The following SLC35D4 variants were observed in gnomAD, a reference collection of about 807,000 sequenced individuals.
SLC35D4 encodes the protein solute carrier family 35 member D4.
chr18:23,418,933 G>A, the SLC35D4 span, among the ~76,000 whole-genome samples: 130 of 151,852 alleles, frequency 8.6e-4, no homozygotes, highest in Non-Finnish European at 1.5e-3. Flanking sequence ...GCATGAACCC[G>A]GGAGACGGAG....
chr18:23,292,498 G>A, the SLC35D4 span, among the ~76,000 whole-genome samples: 3 of 152,304 alleles, frequency 2.0e-5, no homozygotes, highest in South Asian at 4.1e-4. Flanking sequence ...GACCCTGCCC[G>A]GTGGCAAAGG....
At chr18:23,420,926 C>T in the SLC35D4 span, among the ~76,000 whole-genome samples, 10 of 152,028 alleles carry the variant, frequency 6.6e-5, no homozygotes, top group South Asian at 1.0e-3. Flanking sequence ...TAGAAGGGAA[C>T]TAAGAGATCA....
At chr18:23,290,630 CTTT>C in the SLC35D4 span, among the ~76,000 whole-genome samples, 9 of 138,016 alleles carry the variant, frequency 6.5e-5, no homozygotes, top group Non-Finnish European at 6.3e-5. Context: ...CTCTGAAATT[CTTT>C]TTTTTTTTTT....
chr18:23,298,233 C>A, the SLC35D4 span, among the ~76,000 whole-genome samples: 1 of 152,344 alleles, frequency 6.6e-6, no homozygotes, highest in African/African-American at 2.4e-5. Context: ...CGCTCCTATC[C>A]CTCAGGGCAG....
At chr18:23,431,580 A>T in the SLC35D4 span, among the ~76,000 whole-genome samples, 4 of 152,058 alleles carry the variant, frequency 2.6e-5, no homozygotes, top group Non-Finnish European at 4.4e-5. Context: ...TTTTCAAACT[A>T]ATTCTGCATT....
the SLC35D4 span, among the ~76,000 whole-genome samples, chr18:23,404,992 CAAAAAAAAAAAAAAA>C: frequency 1.3e-4 from 6 of 44,482 alleles, no homozygotes; most frequent in Admixed American, 6.2e-4. Flanking sequence ...GACTCCGTCT[CAAAAAAAAAAAAAAA>C]AAAAAAAAAA....
At chr18:23,368,393 G>A in the SLC35D4 span, among the ~76,000 whole-genome samples, 1 of 152,198 alleles carries the variant, frequency 6.6e-6, no homozygotes, top group Admixed American at 6.5e-5. Flanking sequence ...CGAGCTCAGG[G>A]ACATGGGTGG....
the SLC35D4 span, among the ~76,000 whole-genome samples, chr18:23,382,667 G>T: frequency 6.6e-6 from 1 of 152,142 alleles, no homozygotes; most frequent in African/African-American, 2.4e-5. Context: ...TAGAACTGAC[G>T]GACTATGGAA....
chr18:23,369,947 G>A, the SLC35D4 span, among the ~76,000 whole-genome samples: 17 of 152,174 alleles, frequency 1.1e-4, no homozygotes, highest in African/African-American at 2.7e-4. Flanking sequence ...TTGGGAGGCC[G>A]AGGCGGGCGG....
At chr18:23,346,187 G>A in the SLC35D4 span, among the ~76,000 whole-genome samples, 4 of 152,164 alleles carry the variant, frequency 2.6e-5, no homozygotes, top group Admixed American at 6.5e-5. Flanking sequence ...TCAGGCTGGA[G>A]TGCAGTGGTG....
chr18:23,292,537 C>T, the SLC35D4 span, among the ~76,000 whole-genome samples: 3 of 152,218 alleles, frequency 2.0e-5, no homozygotes, highest in African/African-American at 7.2e-5. Flanking sequence ...GGAAGAGTCA[C>T]AAATCACCTC....
At chr18:23,391,716 G>A in the SLC35D4 span, among the ~76,000 whole-genome samples, 1 of 151,752 alleles carries the variant, frequency 6.6e-6, no homozygotes, top group Non-Finnish European at 1.5e-5. Context: ...TCGAACTCCT[G>A]GGCTCAAGCA....
the SLC35D4 span, among the ~76,000 whole-genome samples, chr18:23,288,081 C>T: frequency 6.6e-6 from 1 of 152,242 alleles, no homozygotes; most frequent in Non-Finnish European, 1.5e-5. Context: ...GAGTCTCCCA[C>T]AATTACTATT....
At chr18:23,270,997 G>A in the SLC35D4 span, among the ~76,000 whole-genome samples, 1 of 152,136 alleles carries the variant, frequency 6.6e-6, no homozygotes, top group Non-Finnish European at 1.5e-5. Flanking sequence ...GGGCCGGGGT[G>A]GAATAATATG....
chr18:23,378,474 C>T, the SLC35D4 span, among the ~76,000 whole-genome samples: 3 of 152,052 alleles, frequency 2.0e-5, no homozygotes, highest in East Asian at 1.9e-4. Context: ...TACTCCATCC[C>T]GAGAGACAAG....
chr18:23,343,483 C>T, the SLC35D4 span, among the ~76,000 whole-genome samples: 98 of 152,076 alleles, frequency 6.4e-4, no homozygotes, highest in Non-Finnish European at 1.2e-3. Context: ...TCAGGTGATC[C>T]GCTCACCTCC....
chr18:23,371,656 T>C, the SLC35D4 span, among the ~76,000 whole-genome samples: 1 of 151,996 alleles, frequency 6.6e-6, no homozygotes, highest in African/African-American at 2.4e-5. Context: ...TACATCTTCC[T>C]AACAGGACTC....
chr18:23,354,514 C>T, the SLC35D4 span, among the ~76,000 whole-genome samples: 2 of 128,202 alleles, frequency 1.6e-5, no homozygotes, highest in African/African-American at 3.0e-5. Flanking sequence ...AGCGAGATTC[C>T]GTCTCAAAAA....
At chr18:23,293,436 T>C in the SLC35D4 span, among the ~76,000 whole-genome samples, 7 of 152,212 alleles carry the variant, frequency 4.6e-5, no homozygotes, top group Non-Finnish European at 7.3e-5. Flanking sequence ...ATGTAATCAA[T>C]AGAAAAATGA....
Sources: gnomAD v4.1 joint callset for allele counts (sites outside exome capture counted in the v4.1 genomes callset) on GRCh38, gnomAD v4.1.1 for gene constraint, MANE v1.5 for transcripts, NCBI Gene and HGNC (gene_info 2026-07-23, HGNC 2026-07-21) for gene names.